The following HMCN2 variants were observed in gnomAD, a reference collection of about 807,000 sequenced individuals.
HMCN2 encodes the protein hemicentin-2.
Under a neutral mutation model 377.5 loss-of-function variants are expected in HMCN2, and 325 were observed. The observed-to-expected ratio is 0.86, with a 90% CI of 0.79 to 0.94. The LOEUF (loss-of-function observed/expected upper bound fraction) is 0.94. Ranked by LOEUF, HMCN2 falls within the 40% of genes least tolerant of loss-of-function variation. The pLI is 0.00. For synonymous variants in HMCN2, 2,007 were observed against 2,046.8 expected, an observed-to-expected ratio of 0.98 and a Z score of 0.53; for missense variants, 4,543 against 4,725.3, an observed-to-expected ratio of 0.96 and a Z score of 1.13.
intron 62 of HMCN2, 136 bp downstream of exon 62, chr9:130,388,676 C>G (rs1171482916): frequency 1.1e-5 from 4 of 374,846 alleles, no homozygotes; most frequent in Admixed American, 6.7e-5. Context: ...CGTGTTGCCC[C>G]CCCCCCCACC....
Position 130,308,110 on chromosome 9 carries a change from C to A in HMCN2, c.2200+544C>A, listed in dbSNP as rs1836991077. ...TAGCTGGAATTATAGGCGTGTACCA[C>A]CAGGCCTGGCTCATTTTTGTATTTT... is the stretch of plus-strand genomic sequence containing the variant. On this transcript the variant is annotated intron_variant, in intron 14 of 97. Coordinates refer to ENST00000683500, the MANE Select transcript of HMCN2 (RefSeq NM_001291815.2). This position sits in a 1 kb window ranked among gnomAD's most constrained non-coding sequence, Gnocchi z 4.1. Among the ~76,000 whole-genome samples, 1 of 152,014 alleles carries A rather than the reference C, an allele frequency of 6.6e-6. No homozygotes were observed. Among genetic ancestry groups the A allele is most frequent in the South Asian group, 2.1e-4 (1 of 4,818 alleles).
chr9:130,358,188 G>C (rs935761165), intron 35 of HMCN2, among the ~76,000 whole-genome samples, 200 bp downstream of exon 35: 3 of 152,158 alleles, frequency 2.0e-5, no homozygotes, highest in Admixed American at 1.3e-4. Context: ...AATGTCAGTG[G>C]GGGGGACAGG....
chr9:130,307,958 A>C (rs1554937468), intron 14 of HMCN2, among the ~76,000 whole-genome samples: 2 of 151,814 alleles, frequency 1.3e-5, no homozygotes, highest in Non-Finnish European at 2.9e-5. Flanking sequence ...TGTTTTATTT[A>C]TTGTTTGATT....
intron 43 of HMCN2, among the ~76,000 whole-genome samples, chr9:130,366,832 C>T (rs535921236): frequency 6.6e-6 from 1 of 152,166 alleles, no homozygotes; most frequent in Admixed American, 6.6e-5. Context: ...AAAACAGATC[C>T]CCACCCTCAC....
chr9:130,287,654 A>G (rs1053193786), intron 4 of HMCN2, among the ~76,000 whole-genome samples: 1 of 151,008 alleles, frequency 6.6e-6, no homozygotes, highest in African/African-American at 2.4e-5. Context: ...CTGTGCGATT[A>G]TTAAATGTCA....
intron 15 of HMCN2, among the ~76,000 whole-genome samples, chr9:130,316,822 C>A (rs1355581934): frequency 6.6e-6 from 1 of 152,170 alleles, no homozygotes; most frequent in Non-Finnish European, 1.5e-5. Flanking sequence ...AGAGATAAGG[C>A]CCTGGGCAGA....
chr9:130,425,993 G>T (rs117467454), intron 90 of HMCN2, 69 bp downstream of exon 90: 2 of 1,196,356 alleles, frequency 1.7e-6, no homozygotes, highest in Non-Finnish European at 2.4e-6. Flanking sequence ...CCAAATGCAC[G>T]TGGCTGGAAT....
At position 130,433,558 on chromosome 9, in the gene HMCN2, C is replaced by T; in HGVS notation, c.15105C>T (p.Arg5035=). Reference sequence around the variant, plus strand: ...GCCCCTTCGCGCTGCGTCCGCTGCGCGCGGGCCTTGGCGCGGTCTACACCC... The same window carrying T: ...GCCCCTTCGCGCTGCGTCCGCTGCGTGCGGGCCTTGGCGCGGTCTACACCC... ...PRSPFALRPL[R]AGLGAVYTRR... The change falls in exon 98 of 98, where the codon CGC becomes CGT. Residue 5035 remains arginine, a synonymous_variant. Coordinates refer to ENST00000683500, the MANE Select transcript of HMCN2 (RefSeq NM_001291815.2). 1.4e-6 allele frequency: 2 copies of T among 1,472,036 alleles called. No homozygotes were observed. Among genetic ancestry groups the T allele is most frequent in the Admixed American group, 5.3e-5 (2 of 37,776 alleles). The allele number at this position is 1,472,036 out of a possible 1,614,324, so 91.2% of individuals were successfully genotyped here.
At chr9:130,378,531 G>A (rs1841522993) in intron 53 of HMCN2, among the ~76,000 whole-genome samples, 3 of 120,518 alleles carry the variant, frequency 2.5e-5, no homozygotes, top group Non-Finnish European at 1.7e-5. Context: ...GGAGGGGGAG[G>A]CAGGGAGGTG....
At chr9:130,292,993 T>C (rs1377231813) in intron 4 of HMCN2, among the ~76,000 whole-genome samples, 3 of 149,526 alleles carry the variant, frequency 2.0e-5, no homozygotes, top group African/African-American at 7.4e-5. Context: ...TATCTATCTA[T>C]CTATCTACCT....
Position 130,394,118 on chromosome 9 carries a change from T to C in HMCN2, c.10501+110T>C. 3.9e-6 allele frequency: 4 copies of C among 1,033,052 alleles called. No homozygotes were observed. The highest frequency in any genetic ancestry group is 3.7e-6 in the Non-Finnish European group (3 of 801,466). 64.0% of individuals were successfully genotyped at this position (1,033,052 alleles called of 1,614,324 possible). A position where few individuals can be genotyped will look rare whatever the true frequency, so the allele number is the denominator to read the frequency against. On this transcript the variant is annotated intron_variant, in intron 68 of 97. Coordinates refer to ENST00000683500, the MANE Select transcript of HMCN2 (RefSeq NM_001291815.2). This position sits in a 1 kb window ranked among gnomAD's most constrained non-coding sequence, Gnocchi z 5.1. ...GGTGAGTCCCCTGGAGACCTGGGAC[T>C]GCCACCTGGGAGCAGAACTCAGGGA...
At chr9:130,419,865 C>A (rs1051357286) in intron 86 of HMCN2, among the ~76,000 whole-genome samples, 9 of 152,158 alleles carry the variant, frequency 5.9e-5, no homozygotes, top group African/African-American at 1.9e-4. Flanking sequence ...ACCTGGAAAT[C>A]CACGTGAAAC....
intron 49 of HMCN2, among the ~76,000 whole-genome samples, chr9:130,375,046 C>T (rs1048008168): frequency 6.6e-6 from 1 of 152,180 alleles, no homozygotes; most frequent in East Asian, 1.9e-4. Flanking sequence ...CAATACATAC[C>T]TACTATTCTG....
chr9:130,409,057 C>T (rs976798117), intron 84 of HMCN2, 124 bp downstream of exon 84: 4 of 564,532 alleles, frequency 7.1e-6, no homozygotes, highest in Non-Finnish European at 1.1e-5. Flanking sequence ...ACCTCCCTGC[C>T]CATTCCTCAG....
chr9:130,331,394 T>C (rs1274680575), intron 22 of HMCN2, among the ~76,000 whole-genome samples: 2 of 152,212 alleles, frequency 1.3e-5, no homozygotes, highest in African/African-American at 2.4e-5. Context: ...TTCTTTCCTG[T>C]GGGACTTATT....
Position 130,403,221 on chromosome 9 carries a change from G to A in HMCN2, c.11906G>A (p.Ser3969Asn). 7.8e-7 allele frequency: 1 copy of A among 1,289,724 alleles called. No homozygotes were observed. The highest frequency in any genetic ancestry group is 1.0e-6 in the Non-Finnish European group (1 of 988,822). The allele number at this position is 1,289,724 out of a possible 1,614,324, so 79.9% of individuals were successfully genotyped here. The change falls in exon 79 of 98, where the codon AGC (serine) becomes AAC (asparagine). Residue 3969 changes from serine (S) to asparagine (N), a missense_variant. Physicochemically the swap from Ser to Asn is conservative, Grantham distance 46. Transcript: ENST00000683500. ...TCCCCGGTGGTGAAGCCGCTGCCCA[G>A]CGTGGTTCGGGCAGTGGCAGAGGAG... ...QASPVVKPLPSVVRAVAEEEV... is the reference protein window; with the variant it reads ...QASPVVKPLPNVVRAVAEEEV...
chr9:130,330,686 C>T (rs1838379706), intron 22 of HMCN2, among the ~76,000 whole-genome samples: 1 of 152,128 alleles, frequency 6.6e-6, no homozygotes, highest in African/African-American at 2.4e-5. Context: ...CAGCTGCATC[C>T]CAGTCCCTTT....
chr9:130,396,223 C>A lies in HMCN2; in HGVS notation c.11108C>A (p.Thr3703Lys). Residue 3703 changes from threonine to lysine, a missense_variant, in exon 73 of 98, where the codon ACA becomes AAA. Physicochemically the swap from Thr to Lys is moderately conservative, Grantham distance 78. Around this residue, in one of 5 missense-constraint regions of HMCN2, gnomAD observed 1,073 missense variants for 1,319.5 expected, o/e 0.81. Coordinates refer to ENST00000683500, the MANE Select transcript of HMCN2 (RefSeq NM_001291815.2). ...GCAGTGAACGTCTCAGTGAACCAGA[C>A]AGCCCTGCTGCCTTGCCAGGCCGAC... ...PPAVNVSVNQ[T>K]ALLPCQADGV... 1.6e-6 allele frequency: 2 copies of A among 1,286,760 alleles called. No homozygotes were observed. The highest frequency in any genetic ancestry group is 1.0e-6 in the Non-Finnish European group (1 of 986,290). The allele number at this position is 1,286,760 out of a possible 1,614,324, so 79.7% of individuals were successfully genotyped here.
Position 130,303,632 on chromosome 9 carries a change from T to G in HMCN2, c.1543+24T>G, listed in dbSNP as rs372374545. Reference sequence around the variant, plus strand: ...AGGTCTGTCCCTTGGGGCCCCTCCATGTACCCCTTCCTTACCCTCTTCTTG... The same window carrying G: ...AGGTCTGTCCCTTGGGGCCCCTCCAGGTACCCCTTCCTTACCCTCTTCTTG... On this transcript the variant is annotated intron_variant, in intron 10 of 97. Coordinates refer to ENST00000683500, the MANE Select transcript of HMCN2 (RefSeq NM_001291815.2). This position sits in a 1 kb window ranked among gnomAD's most constrained non-coding sequence, Gnocchi z 5.2. 1 of 246,176 alleles carries G rather than the reference T, an allele frequency of 4.1e-6. No homozygotes were observed. Among genetic ancestry groups the G allele is most frequent in the Non-Finnish European group, 9.2e-6 (1 of 108,886 alleles). 15.2% of individuals were successfully genotyped at this position (246,176 alleles called of 1,614,324 possible).
Sources: allele counts gnomAD v4.1 joint callset (sites outside exome capture counted in the v4.1 genomes callset), GRCh38; gene constraint gnomAD v4.1.1; regional missense constraint gnomAD v4.1.1; non-coding constraint Gnocchi (gnomAD v3.1); transcripts MANE v1.5; gene names NCBI Gene and HGNC (gene_info 2026-07-23, HGNC 2026-07-21).